CDS1: variants seen among roughly 807,000 people sequenced by gnomAD.
The protein encoded by CDS1 is CDP-diacylglycerol synthase 1.
A neutral mutation model predicts 62.1 loss-of-function variants in CDS1; 41 were observed. That is an observed-to-expected ratio of 0.66 (90% CI 0.51 to 0.86). CDS1 has a LOEUF of 0.86. CDS1 is among the 40% of genes least tolerant of loss of function. CDS1 has a pLI of 0.00. For synonymous variants in CDS1, 185 were observed against 192.6 expected (o/e 0.96, Z 0.32); for missense variants, 470 against 550.1 (o/e 0.85, Z 1.46).
At chr4:84,596,549 G>A (rs1281530261) in intron 1 of CDS1, among the ~76,000 whole-genome samples, 2 of 152,124 alleles carry the variant, frequency 1.3e-5, no homozygotes, top group Non-Finnish European at 2.9e-5. Flanking sequence ...CCACTTATAA[G>A]GACCCTTGTG....
intron 1 of CDS1, among the ~76,000 whole-genome samples, chr4:84,599,549 A>ACTAATCT (rs1157784732): frequency 6.6e-6 from 1 of 151,154 alleles, no homozygotes; most frequent in Non-Finnish European, 1.5e-5. Context: ...TTAGACACGT[A>ACTAATCT]CTAATCTGCT....
intron 12 of CDS1, 124 bp downstream of exon 12, chr4:84,645,449 C>T (rs987930985): frequency 8.0e-6 from 5 of 625,994 alleles, no homozygotes; most frequent in African/African-American, 1.8e-5. Flanking sequence ...GAATGGTGGC[C>T]CCTGGAATTA....
intron 2 of CDS1, among the ~76,000 whole-genome samples, chr4:84,605,949 AG>A (rs942497580): frequency 2.6e-5 from 4 of 152,138 alleles, no homozygotes; most frequent in African/African-American, 9.7e-5. Flanking sequence ...TTCTGAACCT[AG>A]GTACTGTGGC....
chr4:84,612,257 G>T (rs1449398614), intron 3 of CDS1, among the ~76,000 whole-genome samples: 1 of 151,976 alleles, frequency 6.6e-6, no homozygotes, highest in Non-Finnish European at 1.5e-5. Context: ...TATTTGGGAA[G>T]CAGTAAGGAG....
Position 84,650,776 on chromosome 4 carries a change from A to C in CDS1, c.*2090A>C, listed in dbSNP as rs1332926776. The C allele has an allele frequency of 1.3e-5, 2 of 152,226 alleles. No individual in the cohort carries two copies. Among genetic ancestry groups the C allele is most frequent in the Non-Finnish European group, 2.9e-5 (2 of 68,032 alleles). The allele number at this position is 152,226 out of a possible 1,614,324, so 9.4% of individuals were successfully genotyped here. ...TACATTATCCTATATGTAAAAAAGC[A>C]AATTATTAATTTTAATGGAGCTCTC... On this transcript the variant is annotated 3_prime_UTR_variant, in exon 13 of 13. Transcript: ENST00000295887.
At chr4:84,641,675 C>A (rs564395562) in intron 10 of CDS1, among the ~76,000 whole-genome samples, 2 of 152,296 alleles carry the variant, frequency 1.3e-5, no homozygotes, top group Admixed American at 1.3e-4. Flanking sequence ...ACAGTGCCTT[C>A]CTTGAAAGGT....
rs114303262 is a variant in CDS1 at position 84,607,294 on chromosome 4, T to A, written c.246-2135T>A. ...GAAAGCAAGGAATGTAATCTTTTTT[T>A]TTTTTAAGAGACAGTATCTTGCTCT... is the stretch of plus-strand genomic sequence containing the variant. On this transcript the variant is annotated intron_variant, in intron 2 of 12. Coordinates refer to ENST00000295887, the MANE Select transcript of CDS1 (RefSeq NM_001263.4). Among the ~76,000 whole-genome samples the A allele has an allele frequency of 5.2e-3, 796 of 152,184 alleles. 5 individuals carry two copies. The highest frequency in any genetic ancestry group is 9.1e-3 in the Non-Finnish European group (616 of 67,994).
chr4:84,605,643 G>C (rs1242924552), intron 2 of CDS1, among the ~76,000 whole-genome samples: 2 of 152,010 alleles, frequency 1.3e-5, no homozygotes, highest in Non-Finnish European at 2.9e-5. Context: ...GTCTATCTCA[G>C]ACCTGAAATT....
chr4:84,615,557 C>T (rs1723464304), intron 3 of CDS1, among the ~76,000 whole-genome samples: 2 of 152,212 alleles, frequency 1.3e-5, no homozygotes, highest in South Asian at 2.1e-4. Context: ...TGCAGATCCT[C>T]CTCCTCTGGC....
At chr4:84,605,264 A>G (rs886999184) in intron 2 of CDS1, among the ~76,000 whole-genome samples, 7 of 152,272 alleles carry the variant, frequency 4.6e-5, no homozygotes, top group East Asian at 1.9e-4. Flanking sequence ...TTATGAAACA[A>G]TTCTTCCCAT....
At position 84,604,391 on chromosome 4, in the gene CDS1, GT is replaced by G. The variant is rs1723029485; in HGVS notation, c.245+22del. 5 of 1,607,946 alleles carry G rather than the reference GT, an allele frequency of 3.1e-6. No homozygotes were observed. The South Asian group carries it at 4.5e-5, about 14-fold the overall frequency. ...TCAAGGTATGATTGGATGAAGATGA[GT>G]ATATCTTAGTGCACAAGATAGGCTT... On this transcript the variant is annotated intron_variant, in intron 2 of 12. Transcript: ENST00000295887.
intron 3 of CDS1, among the ~76,000 whole-genome samples, chr4:84,612,804 A>G (rs1394570921): frequency 2.0e-5 from 3 of 152,134 alleles, no homozygotes; most frequent in South Asian, 2.1e-4. Flanking sequence ...CCTGGCCAAA[A>G]TGGTGAAACC....
chr4:84,643,025 A>G lies in CDS1; in HGVS notation c.1034A>G (p.Glu345Gly), dbSNP rs754964105. 1 of 1,591,836 alleles carries G rather than the reference A, an allele frequency of 6.3e-7. No individual in the cohort carries two copies. Among genetic ancestry groups the G allele is most frequent in the Admixed American group, 1.7e-5 (1 of 59,816 alleles). The change falls in exon 11 of 13, where the codon GAA (glutamate) becomes GGA (glycine). Residue 345 changes from glutamate (E) to glycine (G), a missense_variant and splice_region_variant. This residue lies in a region of CDS1 where 214 missense variants were observed against 242.4 expected (regional missense o/e 0.88). Transcript: ENST00000295887. Reference protein sequence around the residue: ...PPFLKAVLRQERVSLYPFQIH... With the variant: ...PPFLKAVLRQGRVSLYPFQIH... ...CCTCCCCTTCTTTCTCCTCTTTAGG[A>G]AAGAGTGAGCTTGTACCCTTTCCAG...
chr4:84,636,162 C>T (rs1236994280), intron 8 of CDS1, among the ~76,000 whole-genome samples: 2 of 152,114 alleles, frequency 1.3e-5, no homozygotes, highest in African/African-American at 2.4e-5. Context: ...TTCAACCTGT[C>T]GCCTTACCTG....
intron 8 of CDS1, 62 bp downstream of exon 8, chr4:84,635,413 A>G: frequency 1.2e-6 from 1 of 825,294 alleles, no homozygotes; most frequent in Non-Finnish European, 2.1e-6. Flanking sequence ...ACTGGAGAAC[A>G]TTTCCAACAA....
chr4:84,640,156 AAT>A (rs1724334711), intron 9 of CDS1, among the ~76,000 whole-genome samples: 2 of 147,786 alleles, frequency 1.4e-5, no homozygotes, highest in South Asian at 4.2e-4. Context: ...AATAATATGT[AAT>A]ATATATAATA....
chr4:84,643,981 C>A lies in CDS1; in HGVS notation c.1152+838C>A. 1.3e-5 allele frequency among the ~76,000 whole-genome samples: 2 copies of A among 151,766 alleles called. 1 individual carries two copies. The highest frequency in any genetic ancestry group is 2.9e-5 in the Non-Finnish European group (2 of 68,022). On this transcript the variant is annotated intron_variant, in intron 11 of 12. Coordinates refer to ENST00000295887, the MANE Select transcript of CDS1 (RefSeq NM_001263.4). The stretch of plus-strand genomic sequence containing the variant: ...GAGAAAAGAACTCCTCCAGAGAAAA[C>A]TAAGAAGAGAGTTCCAGAGTGTACA...
rs191699490 is a variant in CDS1 at position 84,600,755 on chromosome 4, G to A, written c.118-3488G>A. On this transcript the variant is annotated intron_variant, in intron 1 of 12. Transcript: ENST00000295887. ...TTTATTCTCTTTCCAAACTTGTTTGGCTCTTCTATGTTCTTTGCATTTTCA... is the reference window on the plus strand; with the variant it reads ...TTTATTCTCTTTCCAAACTTGTTTGACTCTTCTATGTTCTTTGCATTTTCA... 4.6e-5 allele frequency among the ~76,000 whole-genome samples: 7 copies of A among 152,164 alleles called. No individual in the cohort carries two copies. In the East Asian group the frequency reaches 1.4e-3, roughly 29 times the overall value.
chr4:84,612,343 A>G (rs1185276390), intron 3 of CDS1, among the ~76,000 whole-genome samples: 1 of 152,006 alleles, frequency 6.6e-6, no homozygotes, highest in Non-Finnish European at 1.5e-5. Flanking sequence ...GTAAGAAGAA[A>G]ATGTTGATCT....
Sources: allele counts gnomAD v4.1 joint callset (sites outside exome capture counted in the v4.1 genomes callset), GRCh38; gene constraint gnomAD v4.1.1; regional missense constraint gnomAD v4.1.1; transcripts MANE v1.5; gene names NCBI Gene and HGNC (gene_info 2026-07-23, HGNC 2026-07-21).